RFX3: variants seen among roughly 807,000 people sequenced by gnomAD.
RFX3 encodes the protein transcription factor RFX3.
RFX3 carries 14 observed loss-of-function variants against 98.6 expected under a neutral mutation model. The observed-to-expected ratio is 0.14, with a 90% CI of 0.09 to 0.22. RFX3 has a LOEUF of 0.22. Ranked by LOEUF, RFX3 falls within the 10% of genes least tolerant of loss-of-function variation. RFX3 has a pLI of 1.00. For synonymous variants in RFX3, 383 were observed against 328.4 expected (o/e 1.17, Z -1.80); for missense variants, 639 against 926.9 (o/e 0.69, Z 4.03).
intron 3 of RFX3, among the ~76,000 whole-genome samples, chr9:3,339,314 A>G (rs1252005641): frequency 6.6e-6 from 1 of 152,210 alleles, no homozygotes; most frequent in African/African-American, 2.4e-5. Context: ...ATAAATATGG[A>G]CTGAAATCAA....
chr9:3,467,664 G>C (rs1047948102), intron 1 of RFX3, among the ~76,000 whole-genome samples: 2 of 151,918 alleles, frequency 1.3e-5, no homozygotes, highest in Admixed American at 1.3e-4. Context: ...CTTCAAAAGA[G>C]GACAACAAAG....
Position 3,424,348 on chromosome 9 carries a change from CTTTTTTTTT to C in RFX3, c.-8-28761_-8-28753del, listed in dbSNP as rs748693786. ...AGAGTCACTGTAATTACATAATTGA[CTTTTTTTTT>C]TTTTTTTTTTTTTTTTTTTTTTGAG... On this transcript the variant is annotated intron_variant, in intron 1 of 16. Coordinates refer to ENST00000617270, the MANE Select transcript of RFX3 (RefSeq NM_001282116.2). Among the ~76,000 whole-genome samples, 595 of 75,782 alleles carry C rather than the reference CTTTTTTTTT, an allele frequency of 7.9e-3. 3 individuals carry two copies. Among genetic ancestry groups the C allele is most frequent in the Non-Finnish European group, 0.011 (488 of 42,568 alleles). 49.7% of individuals were successfully genotyped at this position (75,782 alleles called of 152,430 possible).
chr9:3,485,146 AAAAT>A (rs1291232503), intron 1 of RFX3, among the ~76,000 whole-genome samples: 1 of 152,090 alleles, frequency 6.6e-6, no homozygotes, highest in Admixed American at 6.6e-5. Context: ...GTAAATACAA[AAAAT>A]AAAAATAAAA....
chr9:3,318,535 T>C (rs1830896632), intron 4 of RFX3, among the ~76,000 whole-genome samples: 1 of 144,080 alleles, frequency 6.9e-6, no homozygotes. Context: ...AATTAAAAAA[T>C]TAAAATTAAA....
intron 2 of RFX3, among the ~76,000 whole-genome samples, chr9:3,369,490 A>T (rs1416599890): frequency 6.6e-6 from 1 of 152,188 alleles, no homozygotes; most frequent in African/African-American, 2.4e-5. Flanking sequence ...CAGACCATAG[A>T]AATTTCCAAA....
At chr9:3,293,331 G>T in intron 5 of RFX3, 73 bp from the exon 6 acceptor site, 2 of 1,054,210 alleles carry the variant, frequency 1.9e-6, no homozygotes, top group Non-Finnish European at 2.8e-6. Flanking sequence ...CACTGCAAAT[G>T]CAACATACAG....
At position 3,224,300 on chromosome 9, in the gene RFX3, T is replaced by C. The variant is rs1389836320; in HGVS notation, c.*742A>G. ...TAGTCTTTAAACAGAGGAATTGGTA[T>C]GCAAATAATAGTTAAAATTCAATGT... On this transcript the variant is annotated 3_prime_UTR_variant, in exon 17 of 17. Transcript: ENST00000617270. 1 of 152,336 alleles carries C rather than the reference T, an allele frequency of 6.6e-6. No individual in the cohort carries two copies. Among genetic ancestry groups the C allele is most frequent in the South Asian group, 2.1e-4 (1 of 4,832 alleles). 9.4% of individuals were successfully genotyped at this position (152,336 alleles called of 1,614,324 possible). A position where few individuals can be genotyped will look rare whatever the true frequency, so the allele number is the denominator to read the frequency against.
chr9:3,342,563 T>G (rs1224496087), intron 3 of RFX3, among the ~76,000 whole-genome samples: 1 of 152,130 alleles, frequency 6.6e-6, no homozygotes, highest in Non-Finnish European at 1.5e-5. Context: ...AATTTGACCA[T>G]AATACAGCAT....
chr9:3,223,795 A>C lies in RFX3; in HGVS notation c.*1247T>G, dbSNP rs1817494962. 1 of 152,164 alleles carries C rather than the reference A, an allele frequency of 6.6e-6. No individual in the cohort carries two copies. The highest frequency in any genetic ancestry group is 2.1e-4 in the South Asian group (1 of 4,832). 9.4% of individuals were successfully genotyped at this position (152,164 alleles called of 1,614,324 possible). A position where few individuals can be genotyped will look rare whatever the true frequency, so the allele number is the denominator to read the frequency against. On this transcript the variant is annotated 3_prime_UTR_variant, in exon 17 of 17. Coordinates refer to ENST00000617270, the MANE Select transcript of RFX3 (RefSeq NM_001282116.2). Reference sequence around the variant, plus strand: ...AACAAAATAAACCTTACTAAACCTTAGCTTCAGTTCTGTTTTAAGGCACCA... The same window carrying C: ...AACAAAATAAACCTTACTAAACCTTCGCTTCAGTTCTGTTTTAAGGCACCA...
chr9:3,323,382 C>T (rs1431224783), intron 4 of RFX3, among the ~76,000 whole-genome samples: 4 of 152,140 alleles, frequency 2.6e-5, no homozygotes, highest in Admixed American at 6.5e-5. Flanking sequence ...ATATTTTAAT[C>T]TGTAGCAATG....
chr9:3,317,842 G>T (rs1238189430), intron 4 of RFX3, among the ~76,000 whole-genome samples: 2 of 152,214 alleles, frequency 1.3e-5, no homozygotes, highest in African/African-American at 4.8e-5. Context: ...ACACCAGTTA[G>T]AATGGCGATC....
At chr9:3,406,260 C>A (rs569619583) in intron 1 of RFX3, among the ~76,000 whole-genome samples, 1 of 151,806 alleles carries the variant, frequency 6.6e-6, no homozygotes, top group African/African-American at 2.4e-5. Context: ...ACTGACTCGG[C>A]CAACCCTGGG....
chr9:3,388,776 G>T (rs1400238025), intron 2 of RFX3, among the ~76,000 whole-genome samples: 2 of 151,988 alleles, frequency 1.3e-5, no homozygotes, highest in African/African-American at 4.8e-5. Flanking sequence ...AAAATTGAAA[G>T]CTTCTTTGAA....
At chr9:3,376,402 C>T (rs1662567192) in intron 2 of RFX3, among the ~76,000 whole-genome samples, 1 of 152,042 alleles carries the variant, frequency 6.6e-6, no homozygotes, top group South Asian at 2.1e-4. Context: ...CAGAAACAAC[C>T]TAAATGTTCA....
chr9:3,320,637 C>A (rs1831159154), intron 4 of RFX3, among the ~76,000 whole-genome samples: 1 of 140,340 alleles, frequency 7.1e-6, no homozygotes, highest in African/African-American at 3.1e-5. Flanking sequence ...TACACACACA[C>A]ACACTACTCT....
intron 1 of RFX3, among the ~76,000 whole-genome samples, chr9:3,396,418 A>G (rs1840882768): frequency 1.3e-5 from 2 of 151,948 alleles, no homozygotes; most frequent in African/African-American, 2.4e-5. Flanking sequence ...TATGTGCCAC[A>G]TTTTCTTAAT....
intron 1 of RFX3, among the ~76,000 whole-genome samples, chr9:3,506,366 G>T (rs1200067352): frequency 6.6e-6 from 1 of 151,796 alleles, no homozygotes; most frequent in African/African-American, 2.4e-5. Flanking sequence ...ACTACTGGTT[G>T]CCTTGGTGTA....
intron 1 of RFX3, among the ~76,000 whole-genome samples, chr9:3,486,708 AT>A (rs1850305858): frequency 6.6e-6 from 1 of 152,220 alleles, no homozygotes; most frequent in Non-Finnish European, 1.5e-5. Context: ...AAAGTACAAA[AT>A]TGCTAATACA....
chr9:3,240,064 G>A (rs1409271492), intron 15 of RFX3, among the ~76,000 whole-genome samples: 1 of 152,224 alleles, frequency 6.6e-6, no homozygotes, highest in Non-Finnish European at 1.5e-5. Flanking sequence ...ATAAGATGGG[G>A]AGTGATGAAG....
Sources: gnomAD v4.1 joint callset for allele counts (sites outside exome capture counted in the v4.1 genomes callset) on GRCh38, gnomAD v4.1.1 for gene constraint, MANE v1.5 for transcripts, NCBI Gene and HGNC (gene_info 2026-07-23, HGNC 2026-07-21) for gene names.